NEBL: variants seen among roughly 807,000 people sequenced by gnomAD.
The protein encoded by NEBL is nebulette.
Under a neutral mutation model 140.2 loss-of-function variants are expected in NEBL, and 122 were observed. The ratio of observed to expected loss-of-function variants is 0.87; its 90% CI spans 0.75 to 1.01. The LOEUF (loss-of-function observed/expected upper bound fraction) is 1.01. Ranked by LOEUF, NEBL falls within the 50% of genes least tolerant of loss-of-function variation. The pLI, the probability that NEBL is intolerant of heterozygous loss-of-function variation, is 0.00. For synonymous variants in NEBL, 436 were observed against 398.9 expected (o/e 1.09, Z -1.11); for missense variants, 1,365 against 1,231.3 (o/e 1.11, Z -1.62).
At chr10:21,109,608 G>A (rs1175995168) in intron 2 of NEBL, among the ~76,000 whole-genome samples, 3 of 152,012 alleles carry the variant, frequency 2.0e-5, no homozygotes, top group Admixed American at 6.6e-5. Flanking sequence ...GGTAGAATTC[G>A]GCTGTGAATC....
intron 1 of NEBL, among the ~76,000 whole-genome samples, chr10:21,273,846 A>C (rs1247218460): frequency 1.3e-5 from 2 of 152,010 alleles, no homozygotes; most frequent in Non-Finnish European, 2.9e-5. Context: ...TTTCCTTACC[A>C]ACACCCCTTC....
intron 25 of NEBL, 121 bp downstream of exon 25, chr10:20,809,683 TGG>T: frequency 1.4e-5 from 11 of 770,608 alleles, no homozygotes; most frequent in Admixed American, 7.1e-5. Context: ...AGCATTTTTT[TGG>T]TTTGCCAAAT....
intron 3 of NEBL, among the ~76,000 whole-genome samples, chr10:21,237,021 C>T (rs1466665579): frequency 1.3e-5 from 2 of 152,206 alleles, no homozygotes; most frequent in Admixed American, 6.5e-5. Flanking sequence ...CCCAGGCAGC[C>T]TGACACCTAA....
intron 2 of NEBL, among the ~76,000 whole-genome samples, chr10:21,028,776 A>T (rs930842357): frequency 1.3e-4 from 18 of 143,578 alleles, no homozygotes; most frequent in South Asian, 7.4e-4. Context: ...AATATAATTT[A>T]AAAAAAAAAA....
At chr10:21,097,426 T>C (rs1421506581) in intron 2 of NEBL, among the ~76,000 whole-genome samples, 1 of 152,110 alleles carries the variant, frequency 6.6e-6, no homozygotes. Context: ...ACCATTGCAC[T>C]CCAGGCTGGG....
chr10:21,004,280 A>G (rs1372721262), intron 3 of NEBL, among the ~76,000 whole-genome samples: 1 of 152,220 alleles, frequency 6.6e-6, no homozygotes, highest in Non-Finnish European at 1.5e-5. Context: ...TAAATGCATC[A>G]TTAATAAAAA....
At chr10:21,143,580 CAT>C (rs775089022) in intron 2 of NEBL, among the ~76,000 whole-genome samples, 7 of 150,666 alleles carry the variant, frequency 4.6e-5, no homozygotes, top group Non-Finnish European at 1.0e-4. Flanking sequence ...GAAAGGAGAA[CAT>C]AGACAAATAT....
At chr10:21,172,559 T>C in intron 1 of NEBL, 1 of 928,568 alleles carries the variant, frequency 1.1e-6, no homozygotes, top group Non-Finnish European at 1.7e-6. Context: ...GGCTTTTTAG[T>C]GCATCACAGT....
chr10:21,100,824 A>G (rs1413625378), intron 2 of NEBL, among the ~76,000 whole-genome samples: 1 of 152,200 alleles, frequency 6.6e-6, no homozygotes, highest in Non-Finnish European at 1.5e-5. Flanking sequence ...GCTTCACAAA[A>G]TTGTAAAAGT....
At chr10:21,288,839 T>A (rs1564556737) in intron 1 of NEBL, among the ~76,000 whole-genome samples, 1,923 of 86,540 alleles carry the variant, frequency 0.022, 149 homozygotes, top group African/African-American at 0.085. Context: ...TATATATATA[T>A]ATATATATAT....
intron 2 of NEBL, among the ~76,000 whole-genome samples, chr10:21,041,537 A>G (rs1321544263): frequency 6.6e-6 from 1 of 152,238 alleles, no homozygotes; most frequent in African/African-American, 2.4e-5. Flanking sequence ...AAGCAATAAC[A>G]GAAAGAAGGT....
intron 27 of NEBL, among the ~76,000 whole-genome samples, chr10:20,786,634 G>C (rs1393566690): frequency 3.3e-5 from 5 of 152,176 alleles, no homozygotes; most frequent in African/African-American, 1.2e-4. Context: ...TTACCGGACA[G>C]TGTAGAAGAG....
intron 2 of NEBL, among the ~76,000 whole-genome samples, chr10:21,168,668 T>C (rs1840904258): frequency 6.6e-6 from 1 of 152,146 alleles, no homozygotes. Context: ...GAAGAAAATG[T>C]CCTTAGTCTT....
intron 27 of NEBL, 105 bp from the exon 28 acceptor site, chr10:20,786,028 T>C: frequency 1.8e-6 from 2 of 1,107,366 alleles, no homozygotes; most frequent in Non-Finnish European, 2.7e-6. Flanking sequence ...TTAGGAATGT[T>C]TTCAAACACA....
chr10:20,900,039 C>G (rs1380872411), upstream of NEBL, among the ~76,000 whole-genome samples: 1 of 152,132 alleles, frequency 6.6e-6, no homozygotes, highest in Non-Finnish European at 1.5e-5. Context: ...GAAAGTGTTC[C>G]TCATGGACAG....
chr10:21,011,075 C>T (rs1054633869), intron 3 of NEBL, among the ~76,000 whole-genome samples: 5 of 152,148 alleles, frequency 3.3e-5, no homozygotes, highest in Non-Finnish European at 7.4e-5. Flanking sequence ...TTTATTGCTA[C>T]ATTGAGACAT....
At chr10:21,095,711 A>G (rs2613971) in intron 2 of NEBL, among the ~76,000 whole-genome samples, 65,267 of 152,054 alleles carry the variant, frequency 0.43, 16,083 homozygotes, top group African/African-American at 0.69. Flanking sequence ...TCTCAGTGGC[A>G]TCTGTCTCCT....
intron 2 of NEBL, among the ~76,000 whole-genome samples, chr10:21,160,085 C>T (rs553623949): frequency 1.3e-5 from 2 of 152,152 alleles, no homozygotes; most frequent in Non-Finnish European, 2.9e-5. Flanking sequence ...GGGAAGCTTG[C>T]TATCAGATCA....
intron 14 of NEBL, 76 bp from the exon 15 acceptor site, chr10:20,831,659 A>T (rs911063518): frequency 9.9e-6 from 9 of 904,838 alleles, no homozygotes; most frequent in South Asian, 9.5e-5. Flanking sequence ...TGTCATTTTG[A>T]CATTAAGACC....
Sources: gnomAD v4.1 joint callset for allele counts (sites outside exome capture counted in the v4.1 genomes callset) on GRCh38, gnomAD v4.1.1 for gene constraint, MANE v1.5 for transcripts, NCBI Gene and HGNC (gene_info 2026-07-23, HGNC 2026-07-21) for gene names.